The following GAS2 variants were observed in gnomAD, a reference collection of about 807,000 sequenced individuals.
The protein encoded by GAS2 is growth arrest-specific protein 2.
Under a neutral mutation model 37.5 loss-of-function variants are expected in GAS2, and 20 were observed. The ratio of observed to expected loss-of-function variants is 0.53; its 90% CI spans 0.37 to 0.77. The LOEUF (loss-of-function observed/expected upper bound fraction) is 0.77, where lower values mean the gene tolerates loss of function less well. Ranked by LOEUF, GAS2 falls within the 30% of genes least tolerant of loss-of-function variation. The pLI is 0.00. For synonymous variants in GAS2, 144 were observed against 132.2 expected, an observed-to-expected ratio of 1.09 and a Z score of -0.61; for missense variants, 336 against 373.4, an observed-to-expected ratio of 0.90 and a Z score of 0.82.
At chr11:22,732,702 G>A (rs552489858) in intron 4 of GAS2, among the ~76,000 whole-genome samples, 3 of 151,040 alleles carry the variant, frequency 2.0e-5, no homozygotes, top group South Asian at 4.2e-4. Flanking sequence ...TATAGATTCC[G>A]GCAGGAGAGA....
chr11:22,776,163 G>A (rs1385050179), intron 7 of GAS2, among the ~76,000 whole-genome samples: 3 of 152,168 alleles, frequency 2.0e-5, no homozygotes, highest in Non-Finnish European at 4.4e-5. Context: ...GAATTGAGCA[G>A]TGAACAAAAT....
intron 1 of GAS2, among the ~76,000 whole-genome samples, chr11:22,649,343 A>G (rs531773371): frequency 0.013 from 1,943 of 151,962 alleles, 9 homozygotes; most frequent in Non-Finnish European, 0.02. Flanking sequence ...GGATTTTTGC[A>G]TCAATGTTCA....
chr11:22,681,705 A>G (rs1195934640), intron 2 of GAS2, among the ~76,000 whole-genome samples: 1 of 152,204 alleles, frequency 6.6e-6, no homozygotes, highest in Non-Finnish European at 1.5e-5. Flanking sequence ...TTTAAACTAA[A>G]GAAGATTTGA....
At chr11:22,638,072 G>T (rs1349820982) in intron 1 of GAS2, among the ~76,000 whole-genome samples, 2 of 151,846 alleles carry the variant, frequency 1.3e-5, no homozygotes, top group Non-Finnish European at 2.9e-5. Flanking sequence ...AATGAACATT[G>T]GCTATTGTTA....
intron 4 of GAS2, among the ~76,000 whole-genome samples, chr11:22,734,755 T>C (rs1852662249): frequency 6.6e-6 from 1 of 151,690 alleles, no homozygotes; most frequent in Non-Finnish European, 1.5e-5. Context: ...TTTTGTAGAA[T>C]AACCTCCCAA....
intron 3 of GAS2, among the ~76,000 whole-genome samples, chr11:22,724,514 T>G (rs1024465757): frequency 0.014 from 1 of 72 alleles, no homozygotes; most frequent in Non-Finnish European, 0.021. Flanking sequence ...CTAATTAATG[T>G]TTATAATACT....
chr11:22,627,435 A>C (rs1858677824), intron 1 of GAS2, among the ~76,000 whole-genome samples: 1 of 152,190 alleles, frequency 6.6e-6, no homozygotes, highest in Non-Finnish European at 1.5e-5. Flanking sequence ...GAGTGGGGTC[A>C]CCAAGTCTTA....
At chr11:22,659,258 G>A (rs940008684) in intron 1 of GAS2, among the ~76,000 whole-genome samples, 4 of 152,098 alleles carry the variant, frequency 2.6e-5, no homozygotes, top group Non-Finnish European at 5.9e-5. Flanking sequence ...ATCTTGATTG[G>A]TATGTTCTTA....
At chr11:22,713,473 T>C (rs1180044746) in intron 3 of GAS2, among the ~76,000 whole-genome samples, 1 of 152,092 alleles carries the variant, frequency 6.6e-6, no homozygotes, top group East Asian at 1.9e-4. Context: ...TTGCTAGAGA[T>C]CTAGATATCC....
chr11:22,750,729 TACTTTTTTTATTAG>T (rs1853679615), intron 6 of GAS2, among the ~76,000 whole-genome samples: 1 of 152,182 alleles, frequency 6.6e-6, no homozygotes, highest in East Asian at 1.9e-4. Context: ...GTGTCAATTA[TACTTTTTTTATTAG>T]ACTTACTTTA....
intron 3 of GAS2, among the ~76,000 whole-genome samples, chr11:22,713,851 G>A (rs1474526628): frequency 6.6e-6 from 1 of 152,066 alleles, no homozygotes; most frequent in Non-Finnish European, 1.5e-5. Flanking sequence ...ATGCTAAAAG[G>A]AGTCCTAAAT....
chr11:22,628,671 G>T (rs1379450345), intron 1 of GAS2, among the ~76,000 whole-genome samples: 1 of 151,952 alleles, frequency 6.6e-6, no homozygotes, highest in Non-Finnish European at 1.5e-5. Context: ...GGTACAAGTG[G>T]ATTTTGGTTA....
At chr11:22,628,018 C>T (rs1858687614) in intron 1 of GAS2, among the ~76,000 whole-genome samples, 1 of 152,132 alleles carries the variant, frequency 6.6e-6, no homozygotes, top group Non-Finnish European at 1.5e-5. Flanking sequence ...TAGCTTCATA[C>T]CTTTCTACTT....
chr11:22,633,325 A>C (rs1858770522), intron 1 of GAS2, among the ~76,000 whole-genome samples: 2 of 152,130 alleles, frequency 1.3e-5, no homozygotes, highest in African/African-American at 4.8e-5. Context: ...GTGATGAAGA[A>C]TCTGTGTGAA....
intron 7 of GAS2, among the ~76,000 whole-genome samples, chr11:22,780,548 ACT>A (rs1347473474): frequency 1.8e-5 from 2 of 110,124 alleles, no homozygotes; most frequent in East Asian, 5.1e-4. Flanking sequence ...ACAGAGCAAG[ACT>A]CTGTCTCAAA....
intron 3 of GAS2, among the ~76,000 whole-genome samples, chr11:22,718,958 C>A (rs945389757): frequency 6.6e-6 from 1 of 152,036 alleles, no homozygotes; most frequent in Non-Finnish European, 1.5e-5. Context: ...CCTATACTTT[C>A]CCCTTTGCGA....
chr11:22,785,199 TC>T (rs551827818), intron 7 of GAS2, among the ~76,000 whole-genome samples: 2 of 151,470 alleles, frequency 1.3e-5, no homozygotes, highest in Non-Finnish European at 2.9e-5. Context: ...AAAACAAAAA[TC>T]CCCCCATAGC....
At chr11:22,788,926 A>G (rs1180489710) in intron 7 of GAS2, among the ~76,000 whole-genome samples, 3 of 152,086 alleles carry the variant, frequency 2.0e-5, no homozygotes, top group Non-Finnish European at 2.9e-5. Context: ...TAAAGTCCAT[A>G]TCACAGTGTC....
intron 1 of GAS2, among the ~76,000 whole-genome samples, chr11:22,639,125 G>GA (rs1858877945): frequency 6.6e-6 from 1 of 151,812 alleles, no homozygotes; most frequent in African/African-American, 2.4e-5. Context: ...TGTCTTTCTG[G>GA]AAAAAAGGGT....
Sources: gnomAD v4.1 joint callset for allele counts (sites outside exome capture counted in the v4.1 genomes callset) on GRCh38, gnomAD v4.1.1 for gene constraint, MANE v1.5 for transcripts, NCBI Gene and HGNC (gene_info 2026-07-23, HGNC 2026-07-21) for gene names.